Variants in ZNF334 observed in about 807,000 individuals in gnomAD.
The protein encoded by ZNF334 is zinc finger protein 334.
Under a neutral mutation model 12.4 loss-of-function variants are expected in ZNF334, and 14 were observed. That is an observed-to-expected ratio of 1.13 (90% CI 0.74 to 1.76). ZNF334 has a LOEUF of 1.76. ZNF334 is among the 40% of genes most tolerant of loss of function. ZNF334 has a pLI of 0.00. For synonymous variants in ZNF334, 273 were observed against 269.6 expected (o/e 1.01, Z -0.12); for missense variants, 797 against 804.5 (o/e 0.99, Z 0.11).
chr20:46,465,083 CT>C, the ZNF334 span: 1 of 276,314 alleles, frequency 3.6e-6, no homozygotes. Context: ...TATGTCCTTC[CT>C]TACAAATCCC....
At chr20:46,472,762 A>G in the ZNF334 span, among the ~76,000 whole-genome samples, 1 of 152,238 alleles carries the variant, frequency 6.6e-6, no homozygotes, top group Non-Finnish European at 1.5e-5. Context: ...ACTTGAGAGC[A>G]GTGAGTGGCT....
downstream of ZNF334, among the ~76,000 whole-genome samples, chr20:46,497,578 T>A (rs868411020): frequency 1.2e-4 from 19 of 152,292 alleles, no homozygotes; most frequent in Middle Eastern, 3.4e-3. Flanking sequence ...TCCCCCTTAT[T>A]CCCTGCAAAT....
At chr20:46,476,952 A>G in the ZNF334 span, 1 of 152,242 alleles carries the variant, frequency 6.6e-6, no homozygotes, top group Non-Finnish European at 1.5e-5. Context: ...ACTCATTGAA[A>G]TGAGATAATA....
At position 46,510,483 on chromosome 20, in the gene ZNF334, A is replaced by T. The variant is rs139048641; in HGVS notation, c.21+1599T>A. The stretch of plus-strand genomic sequence containing the variant: ...GCTCACGCCTGTAATCCCAGCACTT[A>T]GTGAGGCCGAGGCAGGAGGATCACG... On this transcript the variant is annotated intron_variant, in intron 2 of 4. Transcript: ENST00000692313. 5.1e-3 allele frequency among the ~76,000 whole-genome samples: 774 copies of T among 152,224 alleles called. 13 individuals are homozygous for T. The East Asian group carries it at 0.082, about 16-fold the overall frequency.
rs1460694027 is a variant in ZNF334, at chr20:46,509,558, G to T, written c.21+2524C>A. 5.7e-6 allele frequency: 4 copies of T among 702,908 alleles called. No homozygotes were observed. The African/African-American group carries it at 7.0e-5, about 12-fold the overall frequency. 43.5% of individuals were successfully genotyped at this position (702,908 alleles called of 1,614,324 possible). A position where few individuals can be genotyped will look rare whatever the true frequency, so the allele number is the denominator to read the frequency against. The stretch of plus-strand genomic sequence containing the variant: ...AGGACCACCAGGAGAAACTAACCTT[G>T]AAATAGTGCACAGAATAGAGAAAGG... On this transcript the variant is annotated intron_variant, in intron 2 of 4. Coordinates refer to ENST00000692313, the MANE Select transcript of ZNF334 (RefSeq NM_001353824.2).
rs1316464921 is a variant in ZNF334, at chr20:46,499,798, T to C, written c.*1498A>G. The C allele has an allele frequency of 6.6e-6, 1 of 152,214 alleles. No individual in the cohort carries two copies. Among genetic ancestry groups the C allele is most frequent in the Non-Finnish European group, 1.5e-5 (1 of 68,036 alleles). 9.4% of individuals were successfully genotyped at this position (152,214 alleles called of 1,614,324 possible). A position where few individuals can be genotyped will look rare whatever the true frequency, so the allele number is the denominator to read the frequency against. ...ATTTAAACATATGTATATACTTACA[T>C]ATATTAACACATGTATATGTGTGTA... is the stretch of plus-strand genomic sequence containing the variant. On this transcript the variant is annotated 3_prime_UTR_variant, in exon 5 of 5. Coordinates refer to ENST00000692313, the MANE Select transcript of ZNF334 (RefSeq NM_001353824.2).
At chr20:46,506,567 G>A in intron 2 of ZNF334, 1 of 380,642 alleles carries the variant, frequency 2.6e-6, no homozygotes, top group East Asian at 3.8e-5. Context: ...AGTGAGCTCA[G>A]ATTGTGCCAC....
chr20:46,508,832 G>T (rs2061535170), intron 2 of ZNF334, among the ~76,000 whole-genome samples: 1 of 152,126 alleles, frequency 6.6e-6, no homozygotes, highest in African/African-American at 2.4e-5. Flanking sequence ...ATAATGATCT[G>T]AGCCTAGAAC....
At chr20:46,465,797 C>T in the ZNF334 span, among the ~76,000 whole-genome samples, 2 of 151,852 alleles carry the variant, frequency 1.3e-5, no homozygotes, top group African/African-American at 4.8e-5. Flanking sequence ...CACTAAAATA[C>T]AAAAGAAATT....
Position 46,504,715 on chromosome 20 carries a change from G to T in ZNF334, c.47C>A (p.Thr16Asn). The T allele has an allele frequency of 1.2e-6, 2 of 1,612,156 alleles. No individual in the cohort carries two copies. The highest frequency in any genetic ancestry group is 1.7e-6 in the Non-Finnish European group (2 of 1,179,216). ...CCATTCCTCTTGGGTGAAGTTCACAGTCAGGTCCTGGAATGAAACTGGTAT... is the reference window on the plus strand; with the variant it reads ...CCATTCCTCTTGGGTGAAGTTCACATTCAGGTCCTGGAATGAAACTGGTAT... Reference protein sequence around the residue: ...FQIPVSFQDLTVNFTQEEWQQ... With the variant: ...FQIPVSFQDLNVNFTQEEWQQ... The change falls in exon 3 of 5, where the codon ACT becomes AAT. Residue 16 changes from threonine (T) to asparagine (N), a missense_variant. Thr to Asn is a moderately conservative substitution (Grantham distance 65). Transcript: ENST00000692313.
At chr20:46,511,575 G>A (rs960392888) in intron 2 of ZNF334, among the ~76,000 whole-genome samples, 1 of 152,152 alleles carries the variant, frequency 6.6e-6, no homozygotes, top group African/African-American at 2.4e-5. Flanking sequence ...TAAAGTTATG[G>A]GGCATTATTT....
chr20:46,511,418 T>G (rs2061646072), intron 2 of ZNF334, among the ~76,000 whole-genome samples: 1 of 152,166 alleles, frequency 6.6e-6, no homozygotes, highest in Non-Finnish European at 1.5e-5. Context: ...GCTAAATTTT[T>G]CCAGAACAGA....
At chr20:46,509,799 A>G (rs2061577560) in intron 2 of ZNF334, 1 of 631,516 alleles carries the variant, frequency 1.6e-6, no homozygotes, top group Admixed American at 2.4e-5. Flanking sequence ...TAACTAAGAG[A>G]GATAAAGGGG....
chr20:46,462,928 T>C, the ZNF334 span, among the ~76,000 whole-genome samples: 2 of 152,186 alleles, frequency 1.3e-5, no homozygotes, highest in South Asian at 4.1e-4. Context: ...TTTATTTACA[T>C]TCTTTCTCAA....
the ZNF334 span, among the ~76,000 whole-genome samples, chr20:46,476,602 A>G: frequency 2.0e-5 from 3 of 152,192 alleles, no homozygotes; most frequent in Non-Finnish European, 4.4e-5. Context: ...TACAAAATAG[A>G]AGTTAGATTT....
the ZNF334 span, among the ~76,000 whole-genome samples, chr20:46,475,397 T>C: frequency 6.6e-6 from 1 of 151,860 alleles, no homozygotes; most frequent in African/African-American, 2.4e-5. Context: ...AAAAACATGA[T>C]CCATAAAAGA....
the ZNF334 span, among the ~76,000 whole-genome samples, chr20:46,463,201 C>T: frequency 6.6e-6 from 1 of 152,098 alleles, no homozygotes; most frequent in African/African-American, 2.4e-5. Context: ...GAGCCGAGAT[C>T]GTGTGACTGT....
At chr20:46,491,027 G>A in the ZNF334 span, 2 of 152,586 alleles carry the variant, frequency 1.3e-5, no homozygotes, top group African/African-American at 2.4e-5. Context: ...GGAAACCCAC[G>A]AATATGGTGA....
At position 46,502,940 on chromosome 20, in the gene ZNF334, G is replaced by A. The variant is rs762504258; in HGVS notation, c.399C>T (p.Pro133=). Residue 133 remains proline, a synonymous_variant, in exon 5 of 5, where the codon CCC becomes CCT. Transcript: ENST00000692313. ...GMNSVPSRKM[P]YKCNPGGNSL... ...TGTTTCCTCCTGGATTACATTTATA[G>A]GGCATTTTTCTTGAGGGAACACTAT... is the stretch of plus-strand genomic sequence containing the variant. 6.2e-7 allele frequency: 1 copy of A among 1,613,772 alleles called. No individual in the cohort carries two copies. The highest frequency in any genetic ancestry group is 1.3e-5 in the African/African-American group (1 of 74,866).
Sources: allele counts gnomAD v4.1 joint callset (sites outside exome capture counted in the v4.1 genomes callset), GRCh38; gene constraint gnomAD v4.1.1; transcripts MANE v1.5; gene names NCBI Gene and HGNC (gene_info 2026-07-23, HGNC 2026-07-21).